Variants in MYO3A observed in about 807,000 individuals in gnomAD.
The protein encoded by MYO3A is myosin-IIIa.
In MYO3A, 180 loss-of-function variants were observed where a neutral mutation model predicts 192.7. That is an observed-to-expected ratio of 0.93 (90% confidence interval 0.83 to 1.06). MYO3A has a LOEUF of 1.06. Among genes scored for constraint, MYO3A ranks in the 50% least tolerant of loss-of-function variants. The pLI is 0.00. For missense variants in MYO3A, 1,896 were observed against 1,905.0 expected (o/e 1.00, Z 0.09); for synonymous variants, 628 against 645.3 (o/e 0.97, Z 0.41).
intron 7 of MYO3A, among the ~76,000 whole-genome samples, chr10:26,020,686 TG>T (rs1842256042): frequency 6.6e-6 from 1 of 152,240 alleles, no homozygotes. Flanking sequence ...ATTTCCTTTT[TG>T]TGTTTATTGA....
intron 26 of MYO3A, among the ~76,000 whole-genome samples, chr10:26,158,539 G>A (rs1249041777): frequency 6.6e-6 from 1 of 152,112 alleles, no homozygotes; most frequent in East Asian, 1.9e-4. Context: ...ACAGGCGTGA[G>A]CCACTGCGCC....
chr10:26,146,690 T>G (rs962073083), intron 22 of MYO3A, among the ~76,000 whole-genome samples: 5 of 152,180 alleles, frequency 3.3e-5, no homozygotes, highest in African/African-American at 1.2e-4. Context: ...AGGCCCTGTC[T>G]CCAAATACAG....
chr10:26,125,142 A>G (rs933035462), intron 18 of MYO3A, among the ~76,000 whole-genome samples: 2 of 152,224 alleles, frequency 1.3e-5, no homozygotes, highest in African/African-American at 4.8e-5. Flanking sequence ...ATGCAGCTGT[A>G]TTACTCTGCC....
At position 25,953,129 on chromosome 10, in the gene MYO3A, T is replaced by G. The variant is rs1837312378; in HGVS notation, c.168+851T>G. 1.3e-5 allele frequency among the ~76,000 whole-genome samples: 2 copies of G among 151,848 alleles called. 1 individual carries two copies. Among genetic ancestry groups the G allele is most frequent in the South Asian group, 4.1e-4 (2 of 4,820 alleles). On this transcript the variant is annotated intron_variant, in intron 3 of 34. Coordinates refer to ENST00000642920, the MANE Select transcript of MYO3A (RefSeq NM_017433.5). ...TCCAATTAACAGACTCTTGCACACA[T>G]GATGGGAGCATGGCATGATGAAAAT...
chr10:26,050,444 A>C (rs1045624910), intron 10 of MYO3A, among the ~76,000 whole-genome samples: 2 of 152,240 alleles, frequency 1.3e-5, no homozygotes, highest in Non-Finnish European at 2.9e-5. Flanking sequence ...CGGCTCTGGT[A>C]ATACAGCTCT....
chr10:26,151,409 T>C (rs1840780904), intron 23 of MYO3A, among the ~76,000 whole-genome samples: 3 of 152,208 alleles, frequency 2.0e-5, no homozygotes, highest in African/African-American at 7.2e-5. Context: ...TCCTTTGTTA[T>C]GTGATGACCC....
chr10:26,168,721 A>T lies in MYO3A; in HGVS notation c.3121A>T (p.Lys1041Ter). Reference protein sequence around the residue: ...WALGKTKVFLKYYHVEQLNLM... With the variant: ...WALGKTKVFL Reference sequence around the variant, plus strand: ...TATTTTAATTTTTCAGGTGTTCCTTAAGTATTATCACGTGGAGCAGTTAAA... The same window carrying T: ...TATTTTAATTTTTCAGGTGTTCCTTTAGTATTATCACGTGGAGCAGTTAAA... Residue 1041 changes from lysine to a stop codon, truncating the protein, a stop_gained, in exon 28 of 35, where the codon AAG (lysine) becomes TAG (stop). Coordinates refer to ENST00000642920, the MANE Select transcript of MYO3A (RefSeq NM_017433.5). LOFTEE classifies it high-confidence loss of function. 1 of 1,612,730 alleles carries T rather than the reference A, an allele frequency of 6.2e-7. No homozygotes were observed. The highest frequency in any genetic ancestry group is 1.3e-5 in the African/African-American group (1 of 75,006).
chr10:26,004,301 GAT>G (rs1249420682), intron 6 of MYO3A, among the ~76,000 whole-genome samples: 9 of 152,204 alleles, frequency 5.9e-5, no homozygotes, highest in Admixed American at 3.3e-4. Context: ...AAGGAGGCCT[GAT>G]ACAGTCAGGA....
intron 17 of MYO3A, among the ~76,000 whole-genome samples, chr10:26,108,695 G>T (rs1837978901): frequency 6.6e-6 from 1 of 152,168 alleles, no homozygotes. Flanking sequence ...TCTGCTCTTG[G>T]CAGCTCTGAA....
chr10:26,152,057 T>C (rs934449557), intron 23 of MYO3A, among the ~76,000 whole-genome samples: 12 of 152,230 alleles, frequency 7.9e-5, no homozygotes, highest in Non-Finnish European at 1.5e-4. Context: ...TAATTCCATG[T>C]TTTTTGCCCT....
chr10:25,994,264 G>C (rs1156409256), intron 4 of MYO3A, among the ~76,000 whole-genome samples: 2 of 152,170 alleles, frequency 1.3e-5, no homozygotes, highest in East Asian at 3.8e-4. Context: ...TTACCATTAT[G>C]TAATGGCCTT....
intron 3 of MYO3A, 130 bp from the exon 4 acceptor site, chr10:25,954,744 A>G: frequency 1.1e-6 from 1 of 938,284 alleles, no homozygotes; most frequent in Non-Finnish European, 1.7e-6. Flanking sequence ...ACAATACATA[A>G]TACTAAGCAC....
chr10:26,010,450 G>GCTTTTTTTTTTTTTTT (rs1841560397), intron 6 of MYO3A, among the ~76,000 whole-genome samples: 1 of 111,234 alleles, frequency 9.0e-6, no homozygotes, highest in African/African-American at 3.5e-5. Flanking sequence ...CTAAGTAGTT[G>GCTTTTTTTTTTTTTTT]TTTTTTTTTT....
chr10:26,080,955 A>T (rs555134636), intron 14 of MYO3A, among the ~76,000 whole-genome samples: 5 of 152,086 alleles, frequency 3.3e-5, no homozygotes, highest in Admixed American at 3.3e-4. Flanking sequence ...TGGTGGAGGT[A>T]GTAGGGGGAG....
At chr10:25,936,577 G>A (rs1287663832) in intron 2 of MYO3A, among the ~76,000 whole-genome samples, 1 of 152,050 alleles carries the variant, frequency 6.6e-6, no homozygotes, top group African/African-American at 2.4e-5. Context: ...TTCATTAGAG[G>A]GTAAATAGAA....
intron 14 of MYO3A, among the ~76,000 whole-genome samples, chr10:26,075,893 T>C (rs1835544488): frequency 6.6e-6 from 1 of 151,316 alleles, no homozygotes; most frequent in Non-Finnish European, 1.5e-5. Flanking sequence ...TATCCACTCA[T>C]TGATTTATGG....
chr10:26,104,285 T>G (rs73610391), intron 17 of MYO3A, among the ~76,000 whole-genome samples: 46 of 152,316 alleles, frequency 3.0e-4, no homozygotes, highest in African/African-American at 1.1e-3. Flanking sequence ...TCACAAAGAT[T>G]TATGCCTAAG....
chr10:26,029,409 CAT>C (rs1842708032), intron 10 of MYO3A, among the ~76,000 whole-genome samples: 2 of 152,184 alleles, frequency 1.3e-5, no homozygotes, highest in South Asian at 2.1e-4. Context: ...TTTTACCTCA[CAT>C]GTCTTGCAAT....
At position 26,120,754 on chromosome 10, in the gene MYO3A, C is replaced by T; in HGVS notation, c.1855C>T (p.His619Tyr). The T allele has an allele frequency of 6.2e-7, 1 of 1,614,040 alleles. No homozygotes were observed. Among genetic ancestry groups the T allele is most frequent in the Non-Finnish European group, 8.5e-7 (1 of 1,179,976 alleles). ...NIEFSSVATE[H>Y]QIDKSHISNH... ...TGAATTTTCTTCTGTGGCAACTGAA[C>T]ACCAGATTGACAAGAGCCACATTTC... is the stretch of plus-strand genomic sequence containing the variant. The change falls in exon 18 of 35, where the codon CAC becomes TAC. Residue 619 changes from histidine to tyrosine, a missense_variant. Coordinates refer to ENST00000642920, the MANE Select transcript of MYO3A (RefSeq NM_017433.5).
Sources: gnomAD v4.1 joint callset for allele counts (sites outside exome capture counted in the v4.1 genomes callset) on GRCh38, gnomAD v4.1.1 for gene constraint, MANE v1.5 for transcripts, NCBI Gene and HGNC (gene_info 2026-07-23, HGNC 2026-07-21) for gene names.